The following ASIC5 variants were observed in gnomAD, a reference collection of about 807,000 sequenced individuals.
ASIC5 encodes bile acid-sensitive ion channel.
ASIC5 carries 52 observed loss-of-function variants against 51.2 expected under a neutral mutation model. That is an observed-to-expected ratio of 1.02 (90% CI 0.81 to 1.28). The LOEUF (loss-of-function observed/expected upper bound fraction) is 1.28, where lower values mean the gene tolerates loss of function less well. ASIC5 is among the 50% of genes most tolerant of loss of function. The probability of loss-of-function intolerance (pLI) is 0.00; values close to 1 mark genes in which losing one functional copy is unlikely to be tolerated. For synonymous variants in ASIC5, 231 were observed against 200.7 expected, an observed-to-expected ratio of 1.15 and a Z score of -1.28; for missense variants, 635 against 595.0, an observed-to-expected ratio of 1.07 and a Z score of -0.70.
At chr4:155,834,307 G>A (rs1222255866) in intron 8 of ASIC5, among the ~76,000 whole-genome samples, 2 of 152,182 alleles carry the variant, frequency 1.3e-5, no homozygotes, top group South Asian at 2.1e-4. Flanking sequence ...CCATGGTTAA[G>A]TTAGGGGTCG....
At chr4:155,861,976 C>T (rs1741719321) in intron 2 of ASIC5, among the ~76,000 whole-genome samples, 1 of 152,028 alleles carries the variant, frequency 6.6e-6, no homozygotes, top group African/African-American at 2.4e-5. Flanking sequence ...TGAGGAGATA[C>T]TATTTAAATG....
intron 2 of ASIC5, chr4:155,858,858 A>T (rs1466462503): frequency 6.6e-6 from 1 of 152,110 alleles, no homozygotes; most frequent in African/African-American, 2.4e-5. Context: ...GATAAAGTAA[A>T]CATAGACCAG....
chr4:155,862,807 C>T (rs1426246419), intron 2 of ASIC5, among the ~76,000 whole-genome samples: 1 of 152,104 alleles, frequency 6.6e-6, no homozygotes. Context: ...CATTTTATAT[C>T]GTTATGTGTT....
At chr4:155,845,355 G>GGT (rs1553951873) in intron 4 of ASIC5, among the ~76,000 whole-genome samples, 10,002 of 144,810 alleles carry the variant, frequency 0.069, 884 homozygotes, top group African/African-American at 0.21. Flanking sequence ...GTTTTTGTGG[G>GGT]TTTTTTTTTT....
rs749632268 is a variant in ASIC5, at chr4:155,866,194, A to T, written c.33T>A (p.Ala11=). The change falls in exon 1 of 10, where the codon GCT becomes GCA. Residue 11 remains alanine, a synonymous_variant. Coordinates refer to ENST00000537611, the MANE Select transcript of ASIC5 (RefSeq NM_017419.3). MEQTEKSKVY[A]ENGLLEKIKL... ...AGTTCACTCTTTACTCACCGTTCTC[A>T]GCATATACTTTTGATTTTTCTGTCT... 27 of 1,605,760 alleles carry T rather than the reference A, an allele frequency of 1.7e-5. No individual in the cohort carries two copies. Among genetic ancestry groups the T allele is most frequent in the Non-Finnish European group, 2.0e-5 (24 of 1,173,310 alleles).
At position 155,843,704 on chromosome 4, in the gene ASIC5, T is replaced by C; in HGVS notation, c.838A>G (p.Arg280Gly). 6.2e-7 allele frequency: 1 copy of C among 1,613,562 alleles called. No individual in the cohort carries two copies. Among genetic ancestry groups the C allele is most frequent in the African/African-American group, 1.3e-5 (1 of 74,998 alleles). The change falls in exon 5 of 10, where the codon AGG becomes GGG. Residue 280 changes from arginine (R) to glycine (G), a missense_variant. By Grantham distance (125) the Arg-to-Gly change is moderately radical. Coordinates refer to ENST00000537611, the MANE Select transcript of ASIC5 (RefSeq NM_017419.3). ...ACCTTCACTTGGCGGATGGTTACCCTTGCGTGCATTCCCACAGGTGACAAC... is the reference window on the plus strand; with the variant it reads ...ACCTTCACTTGGCGGATGGTTACCCCTGCGTGCATTCCCACAGGTGACAAC... ...GLLSPVGMHA[R>G]VTIRQVKTVH... is the part of the protein sequence containing the mutation.
intron 1 of ASIC5, 39 bp from the exon 2 acceptor site, chr4:155,863,793 G>C: frequency 6.6e-7 from 1 of 1,517,312 alleles, no homozygotes; most frequent in Non-Finnish European, 8.9e-7. Flanking sequence ...ACAAAAAAAA[G>C]TAATTAGGAA....
chr4:155,853,404 G>A (rs545023435), intron 3 of ASIC5, among the ~76,000 whole-genome samples: 11 of 151,756 alleles, frequency 7.2e-5, no homozygotes, highest in Admixed American at 3.9e-4. Context: ...CGGGAAATAC[G>A]GCATCAAATT....
chr4:155,864,640 G>A (rs1426518694), intron 1 of ASIC5: 1 of 152,050 alleles, frequency 6.6e-6, no homozygotes, highest in Non-Finnish European at 1.5e-5. Context: ...CTTTAGCCAA[G>A]TTTCTTAGTC....
chr4:155,852,166 C>A (rs771099825), intron 4 of ASIC5, 25 bp downstream of exon 4: 6 of 1,611,498 alleles, frequency 3.7e-6, no homozygotes, highest in Non-Finnish European at 5.1e-6. Flanking sequence ...TCTCGTTTGT[C>A]TTGAACCTGG....
Position 155,863,657 on chromosome 4 carries a change from G to A in ASIC5, c.138C>T (p.Ser46=). The A allele has an allele frequency of 6.2e-7, 1 of 1,613,924 alleles. No homozygotes were observed. Among genetic ancestry groups the A allele is most frequent in the South Asian group, 1.1e-5 (1 of 91,070 alleles). Residue 46 remains serine, a synonymous_variant, in exon 2 of 10, where the codon TCC becomes TCT. Coordinates refer to ENST00000537611, the MANE Select transcript of ASIC5 (RefSeq NM_017419.3). ...KFDHDFAIST[S]FHGIHNIVQN... ...GAACAATATTGTGTATCCCATGAAA[G>A]GAAGTGGAGATGGCAAAGTCATGGT...
chr4:155,844,695 T>C (rs988750806), intron 4 of ASIC5, among the ~76,000 whole-genome samples: 2 of 152,024 alleles, frequency 1.3e-5, no homozygotes, highest in African/African-American at 2.4e-5. Context: ...TATAGAATTT[T>C]CCACTCCAAA....
chr4:155,835,274 G>A (rs981773374), intron 8 of ASIC5, among the ~76,000 whole-genome samples: 24 of 152,222 alleles, frequency 1.6e-4, no homozygotes, highest in Admixed American at 1.3e-4. Context: ...GCTCCCCCTG[G>A]CCTCTGCACC....
intron 4 of ASIC5, among the ~76,000 whole-genome samples, chr4:155,847,582 C>A (rs1280962667): frequency 6.6e-6 from 1 of 151,884 alleles, no homozygotes; most frequent in Non-Finnish European, 1.5e-5. Context: ...ATCAGCTGGG[C>A]ATGGTGGCGC....
At chr4:155,863,962 G>T (rs1741792063) in intron 1 of ASIC5, among the ~76,000 whole-genome samples, 1 of 152,122 alleles carries the variant, frequency 6.6e-6, no homozygotes, top group South Asian at 2.1e-4. Context: ...TTGAGAAGAT[G>T]CTAATGCTAT....
chr4:155,862,552 A>G (rs1017744047), intron 2 of ASIC5, among the ~76,000 whole-genome samples: 1 of 152,130 alleles, frequency 6.6e-6, no homozygotes, highest in African/African-American at 2.4e-5. Flanking sequence ...AGGCAATTAC[A>G]AAGCATTGTC....
intron 4 of ASIC5, among the ~76,000 whole-genome samples, chr4:155,845,053 G>A (rs1741209496): frequency 6.6e-6 from 1 of 151,816 alleles, no homozygotes. Flanking sequence ...TAAACTATGG[G>A]GAACAAGGCC....
At chr4:155,852,456 G>A (rs893958750) in intron 3 of ASIC5, 140 bp from the exon 4 acceptor site, 7 of 569,596 alleles carry the variant, frequency 1.2e-5, no homozygotes, top group Admixed American at 4.7e-5. Flanking sequence ...TGATTTATAT[G>A]TGTATTCAGT....
At chr4:155,859,975 T>A (rs541390526) in intron 2 of ASIC5, among the ~76,000 whole-genome samples, 13 of 152,160 alleles carry the variant, frequency 8.5e-5, no homozygotes, top group Non-Finnish European at 1.6e-4. Context: ...TAGAGTGAAG[T>A]TCTGCGTTAG....
Sources: gnomAD v4.1 joint callset for allele counts (sites outside exome capture counted in the v4.1 genomes callset) on GRCh38, gnomAD v4.1.1 for gene constraint, MANE v1.5 for transcripts, NCBI Gene and HGNC (gene_info 2026-07-23, HGNC 2026-07-21) for gene names.